Variants in WDSUB1 observed in about 807,000 individuals in gnomAD.
WDSUB1 encodes WD repeat, SAM and U-box domain-containing protein 1.
Under a neutral mutation model 53.9 loss-of-function variants are expected in WDSUB1, and 49 were observed. The observed-to-expected ratio is 0.91, with a 90% CI of 0.72 to 1.15. WDSUB1 has a LOEUF of 1.15. Ranked by LOEUF, WDSUB1 falls within the 50% of genes most tolerant of loss-of-function variation. The pLI is 0.00. For missense variants in WDSUB1, 514 were observed against 562.0 expected (o/e 0.91, Z 0.86); for synonymous variants, 194 against 200.6 (o/e 0.97, Z 0.28).
intron 10 of WDSUB1, among the ~76,000 whole-genome samples, chr2:159,238,601 A>G (rs1479608423): frequency 1.3e-5 from 2 of 152,180 alleles, no homozygotes; most frequent in Non-Finnish European, 2.9e-5. Flanking sequence ...TTTAAATGCT[A>G]TCTTTATCAA....
At chr2:159,265,609 G>A (rs141123011) in intron 5 of WDSUB1, among the ~76,000 whole-genome samples, 3,091 of 152,146 alleles carry the variant, frequency 0.02, 116 homozygotes, top group African/African-American at 0.071. Context: ...TCAGGAGACT[G>A]AGGTGGGAGG....
intron 10 of WDSUB1, among the ~76,000 whole-genome samples, chr2:159,238,082 G>A (rs13415747): frequency 0.11 from 16,934 of 152,136 alleles, 2,245 homozygotes; most frequent in African/African-American, 0.31. Flanking sequence ...CTAGGTAAGC[G>A]ATGGTACAGT....
intron 1 of WDSUB1, among the ~76,000 whole-genome samples, chr2:159,285,564 G>T (rs1003398572): frequency 5.3e-5 from 8 of 152,014 alleles, no homozygotes; most frequent in Non-Finnish European, 8.8e-5. Flanking sequence ...TAATTAGCTG[G>T]GTGTGGTGGC....
At position 159,248,426 on chromosome 2, in the gene WDSUB1, C is replaced by T. The variant is rs2060870609; in HGVS notation, c.1219G>A (p.Glu407Lys). 13 of 1,609,740 alleles carry T rather than the reference C, an allele frequency of 8.1e-6. No individual in the cohort carries two copies. Among genetic ancestry groups the T allele is most frequent in the Non-Finnish European group, 1.0e-5 (12 of 1,178,700 alleles). The change falls in exon 10 of 11, where the codon GAA (glutamate) becomes AAA (lysine). Residue 407 changes from glutamate (E) to lysine (K), a missense_variant. By Grantham distance (56) the Glu-to-Lys change is moderately conservative. Coordinates refer to ENST00000359774, the MANE Select transcript of WDSUB1 (RefSeq NM_001128212.3). ...VKSLSSGIPD[E>K]FICPITRELM... is the part of the protein sequence containing the mutation. ...TCTCTAGTTATTGGACATATAAATT[C>T]ATCAGGAATTCCTGAAGAAAGGGAT...
rs1204976318 is a variant in WDSUB1, at chr2:159,275,652, AAAAT to A, written c.584-18_584-15del. 3.8e-6 allele frequency: 6 copies of A among 1,579,644 alleles called. No homozygotes were observed. Among genetic ancestry groups the A allele is most frequent in the Admixed American group, 1.9e-5 (1 of 51,966 alleles). On this transcript the variant is annotated splice_polypyrimidine_tract_variant and intron_variant, in intron 3 of 10. Transcript: ENST00000359774. Reference sequence around the variant, plus strand: ...CTTGTTCTCCATCTAAAATTTATTAAAAATAAATACAGAGAATTTGTAAAACACT... The same window carrying A: ...CTTGTTCTCCATCTAAAATTTATTAAAAATACAGAGAATTTGTAAAACACT...
At chr2:159,244,154 A>C (rs1269315090) in intron 10 of WDSUB1, among the ~76,000 whole-genome samples, 1 of 152,192 alleles carries the variant, frequency 6.6e-6, no homozygotes, top group African/African-American at 2.4e-5. Flanking sequence ...TTTCCCTCTA[A>C]GTGCAGGTGA....
At position 159,261,531 on chromosome 2, in the gene WDSUB1, G is replaced by A. The variant is rs956261268; in HGVS notation, c.771-1688C>T. 3.3e-5 allele frequency among the ~76,000 whole-genome samples: 5 copies of A among 152,088 alleles called. No individual in the cohort carries two copies. In the East Asian group the frequency reaches 5.8e-4, roughly 18 times the overall value. ...TACAGACACTTTTATTTAATCCTAA[G>A]TTCTTCAAGGTACAAGTTCTTATTT... On this transcript the variant is annotated intron_variant, in intron 5 of 10. Coordinates refer to ENST00000359774, the MANE Select transcript of WDSUB1 (RefSeq NM_001128212.3).
chr2:159,251,855 G>A (rs573345335), intron 9 of WDSUB1, among the ~76,000 whole-genome samples: 21 of 152,302 alleles, frequency 1.4e-4, no homozygotes, highest in Middle Eastern at 3.4e-3. Flanking sequence ...ACGGGGTTCC[G>A]GAGTGAGAGC....
chr2:159,261,867 TATATATATATATATATATATATATATATA>T (rs1490829817), intron 5 of WDSUB1, among the ~76,000 whole-genome samples: 222 of 9,720 alleles, frequency 0.023, 6 homozygotes, highest in African/African-American at 0.036. Flanking sequence ...TATATATATA[TATATATATATATATATATATATATATATA>T]TTTTTTTTTT....
intron 9 of WDSUB1, among the ~76,000 whole-genome samples, chr2:159,250,617 T>C (rs1005564532): frequency 1.3e-5 from 2 of 152,236 alleles, no homozygotes; most frequent in African/African-American, 4.8e-5. Context: ...TGCTGTGTTT[T>C]CCAAGGGTTA....
chr2:159,253,032 C>G (rs186178599), intron 9 of WDSUB1, among the ~76,000 whole-genome samples: 176 of 152,326 alleles, frequency 1.2e-3, no homozygotes, highest in Non-Finnish European at 1.9e-3. Flanking sequence ...ACGTAGCAAT[C>G]TGCCGCATTC....
At chr2:159,250,391 T>TAAAA (rs933648373) in intron 9 of WDSUB1, among the ~76,000 whole-genome samples, 1 of 152,200 alleles carries the variant, frequency 6.6e-6, no homozygotes, top group Admixed American at 6.5e-5. Flanking sequence ...ATTTATAACT[T>TAAAA]AAAAAGATTC....
rs527377114 is a variant in WDSUB1, at chr2:159,241,719, CTTTTTT to C, written c.1274-5535_1274-5530del. ...CATGACTGGGGATGTTTTCTTTTTT[CTTTTTT>C]TTTTTGAGATGGAGTCTCACATTGT... is the stretch of plus-strand genomic sequence containing the variant. On this transcript the variant is annotated intron_variant, in intron 10 of 10. Coordinates refer to ENST00000359774, the MANE Select transcript of WDSUB1 (RefSeq NM_001128212.3). 3.1e-5 allele frequency among the ~76,000 whole-genome samples: 4 copies of C among 130,332 alleles called. 1 individual carries two copies. Among genetic ancestry groups the C allele is most frequent in the African/African-American group, 9.5e-5 (3 of 31,638 alleles). The allele number at this position is 130,332 out of a possible 152,430, so 85.5% of individuals were successfully genotyped here.
At chr2:159,247,888 TA>T (rs376827731) in intron 10 of WDSUB1, among the ~76,000 whole-genome samples, 11,961 of 39,030 alleles carry the variant, frequency 0.31, 1,556 homozygotes, top group East Asian at 0.45. Flanking sequence ...ATTAAATAAA[TA>T]TATATATATA....
chr2:159,237,113 A>C (rs1261499685), intron 10 of WDSUB1, among the ~76,000 whole-genome samples: 1 of 152,250 alleles, frequency 6.6e-6, no homozygotes, highest in Non-Finnish European at 1.5e-5. Flanking sequence ...CAGTATATTT[A>C]CTAACATAAA....
At chr2:159,249,658 T>TC (rs1032623129) in intron 9 of WDSUB1, among the ~76,000 whole-genome samples, 3 of 152,152 alleles carry the variant, frequency 2.0e-5, no homozygotes, top group African/African-American at 7.2e-5. Flanking sequence ...TACTATAATG[T>TC]CTTGCCTCTT....
rs754336320 is a variant in WDSUB1, at chr2:159,282,966, C to T, written c.104G>A (p.Arg35His). 8 of 1,614,060 alleles carry T rather than the reference C, an allele frequency of 5.0e-6. No homozygotes were observed. The highest frequency in any genetic ancestry group is 4.5e-5 in the East Asian group (2 of 44,888). The change falls in exon 2 of 11, where the codon CGC becomes CAC. Residue 35 changes from arginine to histidine, a missense_variant. By Grantham distance (29) the Arg-to-His change is conservative. Transcript: ENST00000359774. Reference sequence around the variant, plus strand: ...AGTAAAGTCACGTAACGAGTACAGGCGAATTGTTTTGTCCAAGGAGCAAGT... The same window carrying T: ...AGTAAAGTCACGTAACGAGTACAGGTGAATTGTTTTGTCCAAGGAGCAAGT... ...LATCSLDKTIRLYSLRDFTEL... is the reference protein window; with the variant it reads ...LATCSLDKTIHLYSLRDFTEL...
chr2:159,253,762 A>C (rs1388938462), intron 9 of WDSUB1, among the ~76,000 whole-genome samples: 1 of 152,214 alleles, frequency 6.6e-6, no homozygotes, highest in Non-Finnish European at 1.5e-5. Context: ...TTGTTTCTAG[A>C]CCAAATTTAA....
intron 3 of WDSUB1, among the ~76,000 whole-genome samples, 197 bp downstream of exon 3, chr2:159,279,564 G>A (rs1004001396): frequency 6.6e-6 from 1 of 151,998 alleles, no homozygotes; most frequent in Non-Finnish European, 1.5e-5. Flanking sequence ...AAAAAAGAAT[G>A]CAATTTTCTC....
Sources: allele counts gnomAD v4.1 joint callset (sites outside exome capture counted in the v4.1 genomes callset), GRCh38; gene constraint gnomAD v4.1.1; transcripts MANE v1.5; gene names NCBI Gene and HGNC (gene_info 2026-07-23, HGNC 2026-07-21).